Variants in CCDC88C observed in about 807,000 individuals in gnomAD.
The protein encoded by CCDC88C is protein Daple.
CCDC88C carries 131 observed loss-of-function variants against 198.8 expected under a neutral mutation model. That is an observed-to-expected ratio of 0.66 (90% confidence interval 0.57 to 0.76). The LOEUF is 0.76. Among genes scored for constraint, CCDC88C ranks in the 30% least tolerant of loss-of-function variants. The probability of loss-of-function intolerance (pLI) is 0.00; values close to 1 mark genes in which losing one functional copy is unlikely to be tolerated. For synonymous variants in CCDC88C, 1,166 were observed against 1,114.7 expected, an observed-to-expected ratio of 1.05 and a Z score of -0.92; for missense variants, 2,553 against 2,631.6, an observed-to-expected ratio of 0.97 and a Z score of 0.65.
At chr14:91,318,135 C>A (rs1401325243) in intron 13 of CCDC88C, among the ~76,000 whole-genome samples, 1 of 152,180 alleles carries the variant, frequency 6.6e-6, no homozygotes, top group East Asian at 1.9e-4. Flanking sequence ...AACCAAAACA[C>A]TGAGTCAGCC....
intron 4 of CCDC88C, among the ~76,000 whole-genome samples, chr14:91,358,262 G>A (rs1034183978): frequency 1.3e-5 from 2 of 152,228 alleles, no homozygotes; most frequent in Non-Finnish European, 2.9e-5. Flanking sequence ...CAGGAGAGGG[G>A]ATGGCCAGGC....
chr14:91,293,439 CTCA>C (rs1567055325), intron 23 of CCDC88C, among the ~76,000 whole-genome samples: 8 of 147,092 alleles, frequency 5.4e-5, no homozygotes, highest in African/African-American at 7.6e-5. Flanking sequence ...CCTTCCCGTC[CTCA>C]CCTGCCACGG....
Position 91,307,178 on chromosome 14 carries a change from G to T in CCDC88C, c.3055C>A (p.His1019Asn). 6.2e-7 allele frequency: 1 copy of T among 1,613,866 alleles called. No individual in the cohort carries two copies. The highest frequency in any genetic ancestry group is 8.5e-7 in the Non-Finnish European group (1 of 1,179,872). Residue 1019 changes from histidine (H) to asparagine (N), a missense_variant, in exon 18 of 30, where the codon CAC (histidine) becomes AAC (asparagine). This residue lies in a region of CCDC88C where 1,260 missense variants were observed against 1,412.0 expected (regional missense o/e 0.89). Transcript: ENST00000389857. ...TLRQNQGEGQ[H>N]LQNSFKHPAG... is the part of the protein sequence containing the mutation. ...GGGTGCTTGAAAGAGTTCTGCAAGTGCTGCCCCTCTCCCTGGTTCTGCCTG... is the reference window on the plus strand; with the variant it reads ...GGGTGCTTGAAAGAGTTCTGCAAGTTCTGCCCCTCTCCCTGGTTCTGCCTG...
intron 4 of CCDC88C, among the ~76,000 whole-genome samples, chr14:91,349,414 C>T (rs1023430524): frequency 5.9e-5 from 9 of 152,224 alleles, no homozygotes; most frequent in African/African-American, 1.9e-4. Context: ...GAGCACGCTG[C>T]TTGTCAAAGT....
In CCDC88C at chr14:91,337,999, C is replaced by T. The variant is rs771475201; in HGVS notation, c.1050+6G>A. On this transcript the variant is annotated splice_donor_region_variant and intron_variant, in intron 10 of 29. Transcript: ENST00000389857. ...CATCCAGGGGCCTCACAGCAAGGCT[C>T]CCTACCTCCATGCGGGCCTTGTAGA... The T allele has an allele frequency of 2.5e-6, 4 of 1,609,946 alleles. No individual in the cohort carries two copies. The South Asian group carries it at 4.4e-5, about 18-fold the overall frequency.
At chr14:91,280,688 G>GCACCCAGCACACGAGGCAGATTTCTT (rs1253192626) in intron 27 of CCDC88C, among the ~76,000 whole-genome samples, 1 of 152,140 alleles carries the variant, frequency 6.6e-6, no homozygotes. Context: ...TCAGGGAGAT[G>GCACCCAGCACACGAGGCAGATTTCTT]CACCCAGCAC....
chr14:91,391,242 A>AAAAAC (rs1318831186), intron 3 of CCDC88C, among the ~76,000 whole-genome samples: 8 of 148,276 alleles, frequency 5.4e-5, no homozygotes, highest in Non-Finnish European at 9.1e-5. Context: ...TCTTCCTGCT[A>AAAAAC]AAAACAAAAC....
intron 3 of CCDC88C, among the ~76,000 whole-genome samples, chr14:91,376,999 C>G (rs951890758): frequency 1.3e-5 from 2 of 151,886 alleles, no homozygotes; most frequent in African/African-American, 2.4e-5. Flanking sequence ...CCCGCCCCCC[C>G]TCCCTAACCA....
intron 4 of CCDC88C, among the ~76,000 whole-genome samples, chr14:91,355,773 G>GT (rs778581650): frequency 1.2e-3 from 189 of 152,118 alleles, no homozygotes; most frequent in Non-Finnish European, 2.4e-3. Flanking sequence ...CAGAAAAACT[G>GT]TAAGTTGTGG....
intron 16 of CCDC88C, 70 bp downstream of exon 16, chr14:91,309,789 G>A: frequency 1.3e-6 from 2 of 1,520,418 alleles, no homozygotes; most frequent in South Asian, 1.2e-5. Context: ...TCAGGGGAGG[G>A]TGAGGAGCCT....
intron 10 of CCDC88C, among the ~76,000 whole-genome samples, chr14:91,331,436 CAT>C (rs1357827012): frequency 6.6e-6 from 1 of 152,212 alleles, no homozygotes; most frequent in Non-Finnish European, 1.5e-5. Context: ...CTCCAGGCCC[CAT>C]GGGCAAGGCA....
chr14:91,301,205 A>G (rs923612525), intron 20 of CCDC88C, among the ~76,000 whole-genome samples: 3 of 152,210 alleles, frequency 2.0e-5, no homozygotes, highest in African/African-American at 7.2e-5. Flanking sequence ...TTAGTGTCAA[A>G]TGAGAAGAAG....
At chr14:91,395,743 T>C (rs886173768) in intron 3 of CCDC88C, among the ~76,000 whole-genome samples, 1 of 151,976 alleles carries the variant, frequency 6.6e-6, no homozygotes, top group Non-Finnish European at 1.5e-5. Flanking sequence ...ACCAGAGGCT[T>C]CTCCCTAGAG....
intron 3 of CCDC88C, among the ~76,000 whole-genome samples, chr14:91,386,459 C>T (rs1885152732): frequency 6.6e-6 from 1 of 152,068 alleles, no homozygotes; most frequent in Non-Finnish European, 1.5e-5. Flanking sequence ...GAAACTCCAT[C>T]TCTAAATAAA....
At chr14:91,292,840 C>T (rs543070711) in intron 23 of CCDC88C, among the ~76,000 whole-genome samples, 18 of 152,304 alleles carry the variant, frequency 1.2e-4, no homozygotes, top group Non-Finnish European at 2.2e-4. Context: ...GTCCCCTTGC[C>T]TTCTATTTCT....
intron 13 of CCDC88C, among the ~76,000 whole-genome samples, chr14:91,319,832 C>T (rs530245469): frequency 1.3e-5 from 2 of 152,082 alleles, no homozygotes; most frequent in South Asian, 2.1e-4. Flanking sequence ...TTGAGACCAG[C>T]CTGGCCAACA....
chr14:91,409,182 T>C (rs1886671383), intron 2 of CCDC88C, among the ~76,000 whole-genome samples: 3 of 85,074 alleles, frequency 3.5e-5, no homozygotes, highest in Non-Finnish European at 6.5e-5. Context: ...AGGAGAAAAA[T>C]GGTAGTTTTT....
At chr14:91,274,187 G>A (rs757968198) in intron 29 of CCDC88C, among the ~76,000 whole-genome samples, 1 of 151,232 alleles carries the variant, frequency 6.6e-6, no homozygotes, top group Non-Finnish European at 1.5e-5. Context: ...AGAAAGAGAA[G>A]AGAGAGGCAG....
rs1234449130 is a variant in CCDC88C at position 91,284,463 on chromosome 14, G to A, written c.4442-946C>T. On this transcript the variant is annotated intron_variant, in intron 25 of 29. Transcript: ENST00000389857. This position sits in a 1 kb window ranked among gnomAD's most constrained non-coding sequence, Gnocchi z 4.1. The stretch of plus-strand genomic sequence containing the variant: ...AGCAAGATTCAAGTCTGCCTGAATC[G>A]GGACAGGTGGAATGAATCGGGACAG... Among the ~76,000 whole-genome samples the A allele has an allele frequency of 5.3e-5, 8 of 152,316 alleles. No homozygotes were observed. In the East Asian group the frequency reaches 9.6e-4, roughly 18 times the overall value.
Sources: gnomAD v4.1 joint callset for allele counts (sites outside exome capture counted in the v4.1 genomes callset) on GRCh38, gnomAD v4.1.1 for gene constraint, gnomAD v4.1.1 regional missense constraint, Gnocchi (gnomAD v3.1) non-coding constraint, MANE v1.5 for transcripts, NCBI Gene and HGNC (gene_info 2026-07-23, HGNC 2026-07-21) for gene names.